Variants in GREB1L observed in about 807,000 individuals in gnomAD.
GREB1L encodes the protein GREB1-like protein.
Under a neutral mutation model 200.8 loss-of-function variants are expected in GREB1L, and 17 were observed. The ratio of observed to expected loss-of-function variants is 0.08; its 90% CI spans 0.06 to 0.13. GREB1L has a LOEUF of 0.13. GREB1L is among the 10% of genes least tolerant of loss of function. GREB1L has a pLI of 1.00. For missense variants in GREB1L, 1,657 were observed against 2,367.7 expected (o/e 0.70, Z 6.23); for synonymous variants, 789 against 893.0 (o/e 0.88, Z 2.08).
chr18:21,356,876 T>G (rs1332747940), intron 1 of GREB1L, among the ~76,000 whole-genome samples: 1 of 152,238 alleles, frequency 6.6e-6, no homozygotes, highest in Non-Finnish European at 1.5e-5. Flanking sequence ...CTAACAGATA[T>G]GAGGTGATAC....
intron 1 of GREB1L, among the ~76,000 whole-genome samples, chr18:21,313,327 A>G (rs1324897795): frequency 6.6e-6 from 1 of 152,190 alleles, no homozygotes; most frequent in Admixed American, 6.5e-5. Flanking sequence ...GTGCTTTAAC[A>G]TGTATTATAC....
At position 21,428,196 on chromosome 18, in the gene GREB1L, C is replaced by CAA. The variant is rs60750456; in HGVS notation, c.833-11295_833-11294dup. Among the ~76,000 whole-genome samples, 334 of 48,108 alleles carry CAA rather than the reference C, an allele frequency of 6.9e-3. 17 individuals carry two copies. The highest frequency in any genetic ancestry group is 0.013 in the Non-Finnish European group (238 of 18,550). The allele number at this position is 48,108 out of a possible 152,430, so 31.6% of individuals were successfully genotyped here. A position where few individuals can be genotyped will look rare whatever the true frequency, so the allele number is the denominator to read the frequency against. Reference sequence around the variant, plus strand: ...TGGGCGACAGAGCGAGACTCCGTCTCAAAAAAAAAAAAAAAAAAAAAAAAA... The same window carrying CAA: ...TGGGCGACAGAGCGAGACTCCGTCTCAAAAAAAAAAAAAAAAAAAAAAAAAAA... On this transcript the variant is annotated intron_variant, in intron 7 of 32. Transcript: ENST00000424526.
In GREB1L at chr18:21,506,127, G is replaced by A. The variant is rs557712061; in HGVS notation, c.4368+178G>A. 5.3e-5 allele frequency among the ~76,000 whole-genome samples: 8 copies of A among 152,214 alleles called. No homozygotes were observed. In the South Asian group the frequency reaches 1.7e-3, roughly 32 times the overall value. On this transcript the variant is annotated intron_variant, in intron 25 of 32. Coordinates refer to ENST00000424526, the MANE Select transcript of GREB1L (RefSeq NM_001142966.3). ...AAATGCATGAAGGCTGGGCGCGGTG[G>A]CTCACCCTGTAATCCCAGCACTGTG... is the stretch of plus-strand genomic sequence containing the variant.
chr18:21,320,644 T>G (rs1036902677), intron 1 of GREB1L, among the ~76,000 whole-genome samples: 3 of 151,908 alleles, frequency 2.0e-5, no homozygotes, highest in African/African-American at 4.8e-5. Flanking sequence ...TGGGTGCATG[T>G]AGTCCCAGCT....
At chr18:21,508,344 G>T (rs771441268) in intron 26 of GREB1L, 43 bp from the exon 27 acceptor site, 27 of 1,550,132 alleles carry the variant, frequency 1.7e-5, no homozygotes, top group Non-Finnish European at 2.3e-5. Flanking sequence ...CAATCTAGAG[G>T]CTTTAATTTC....
intron 17 of GREB1L, among the ~76,000 whole-genome samples, chr18:21,484,165 C>A (rs2036031278): frequency 6.7e-6 from 1 of 149,700 alleles, no homozygotes; most frequent in South Asian, 2.1e-4. Context: ...TACATACATA[C>A]ATATATATAT....
intron 15 of GREB1L, among the ~76,000 whole-genome samples, chr18:21,461,258 A>T (rs190469518): frequency 6.6e-6 from 1 of 151,844 alleles, no homozygotes; most frequent in Admixed American, 6.6e-5. Context: ...TAGAGTTTCC[A>T]CCTTTGAGGA....
At chr18:21,408,662 T>C (rs2030576425) in intron 7 of GREB1L, among the ~76,000 whole-genome samples, 1 of 151,832 alleles carries the variant, frequency 6.6e-6, no homozygotes, top group Non-Finnish European at 1.5e-5. Flanking sequence ...GGTGTGGTGG[T>C]GCATGCCTGT....
In GREB1L at chr18:21,299,004, C is replaced by T. The variant is rs570632375; in HGVS notation, c.-120+56611C>T. Among the ~76,000 whole-genome samples the T allele has an allele frequency of 4.2e-4, 64 of 151,992 alleles. 2 individuals are homozygous for T. The South Asian group carries it at 0.013, about 32-fold the overall frequency. ...CTAAAGAATCTTCAAAAGGCTGGGCCTGGTGCCTTACGCCTGTAATCCCAG... is the reference window on the plus strand; with the variant it reads ...CTAAAGAATCTTCAAAAGGCTGGGCTTGGTGCCTTACGCCTGTAATCCCAG... On this transcript the variant is annotated intron_variant, in intron 1 of 32. Coordinates refer to ENST00000424526, the MANE Select transcript of GREB1L (RefSeq NM_001142966.3).
intron 1 of GREB1L, among the ~76,000 whole-genome samples, chr18:21,264,960 C>T (rs184038044): frequency 6.6e-6 from 1 of 152,124 alleles, no homozygotes; most frequent in East Asian, 1.9e-4. Context: ...GAAATGATGT[C>T]CTGACAGTGT....
intron 7 of GREB1L, among the ~76,000 whole-genome samples, chr18:21,428,330 G>GTTTTTTTTTTTTTT (rs1460650679): frequency 2.1e-5 from 1 of 47,972 alleles, no homozygotes; most frequent in Non-Finnish European, 4.2e-5. Context: ...TTGTCTTTTT[G>GTTTTTTTTTTTTTT]TCTTTTTTTT....
At chr18:21,349,851 C>T (rs1157188888) in intron 1 of GREB1L, among the ~76,000 whole-genome samples, 1 of 151,994 alleles carries the variant, frequency 6.6e-6, no homozygotes, top group Admixed American at 6.6e-5. Context: ...AAATAAAGTG[C>T]ACAATAAATG....
At chr18:21,250,365 C>T (rs753837776) in intron 1 of GREB1L, among the ~76,000 whole-genome samples, 6 of 152,092 alleles carry the variant, frequency 3.9e-5, no homozygotes, top group African/African-American at 7.2e-5. Flanking sequence ...TTGTTAAATA[C>T]GGATTATTGA....
At chr18:21,476,746 A>AT (rs59564255) in intron 16 of GREB1L, among the ~76,000 whole-genome samples, 5,745 of 144,884 alleles carry the variant, frequency 0.04, 121 homozygotes, top group Non-Finnish European at 0.051. Context: ...TTTTTTTTGT[A>AT]TTTTTTTTTT....
Position 21,435,426 on chromosome 18 carries a change from C to A in GREB1L, c.833-4095C>A, listed in dbSNP as rs573315645. On this transcript the variant is annotated intron_variant, in intron 7 of 32. Transcript: ENST00000424526. The stretch of plus-strand genomic sequence containing the variant: ...TTGTGATCTAGTGGGGGAGACAGAC[C>A]TCTGATAAGATATTTTCAGTGTACT... 4.6e-5 allele frequency among the ~76,000 whole-genome samples: 7 copies of A among 152,286 alleles called. No homozygotes were observed. In the South Asian group the frequency reaches 1.4e-3, roughly 32 times the overall value.
intron 2 of GREB1L, among the ~76,000 whole-genome samples, chr18:21,369,006 T>C (rs1245636678): frequency 9.2e-5 from 14 of 152,182 alleles, no homozygotes; most frequent in Admixed American, 9.2e-4. Context: ...GAGAAATCAG[T>C]TGAGTGTTAG....
At chr18:21,464,542 CAAAAA>C in intron 15 of GREB1L, among the ~76,000 whole-genome samples, 1 of 66,430 alleles carries the variant, frequency 1.5e-5, no homozygotes, top group South Asian at 4.7e-4. Flanking sequence ...GACACCATCT[CAAAAA>C]AAAAAAAAAA....
chr18:21,265,586 T>C (rs1252611552), intron 1 of GREB1L, among the ~76,000 whole-genome samples: 2 of 152,190 alleles, frequency 1.3e-5, no homozygotes, highest in African/African-American at 4.8e-5. Flanking sequence ...TTGGGGCACA[T>C]ATCAAACCTG....
At position 21,515,616 on chromosome 18, in the gene GREB1L, A is replaced by T; in HGVS notation, c.5101A>T (p.Thr1701Ser). The change falls in exon 29 of 33, where the codon ACT becomes TCT. Residue 1701 changes from threonine to serine, a missense_variant. Transcript: ENST00000424526. ...TTTCATTCTCCTCAACACAGACTTGACTCAGAATGTGCAGTATGACTTCAA... is the reference window on the plus strand; with the variant it reads ...TTTCATTCTCCTCAACACAGACTTGTCTCAGAATGTGCAGTATGACTTCAA... ...HDFILLNTDL[T>S]QNVQYDFNRY... 6.4e-7 allele frequency: 1 copy of T among 1,551,618 alleles called. No individual in the cohort carries two copies. The highest frequency in any genetic ancestry group is 8.7e-7 in the Non-Finnish European group (1 of 1,146,922).
Sources: gnomAD v4.1 joint callset for allele counts (sites outside exome capture counted in the v4.1 genomes callset) on GRCh38, gnomAD v4.1.1 for gene constraint, MANE v1.5 for transcripts, NCBI Gene and HGNC (gene_info 2026-07-23, HGNC 2026-07-21) for gene names.